Variants in STK35 observed in about 807,000 individuals in gnomAD.
The protein encoded by STK35 is serine/threonine kinase 35.
A neutral mutation model predicts 37.3 loss-of-function variants in STK35; 17 were observed. The ratio of observed to expected loss-of-function variants is 0.46; its 90% CI spans 0.31 to 0.68. The LOEUF (loss-of-function observed/expected upper bound fraction) is 0.68. STK35 is among the 30% of genes least tolerant of loss of function. The probability of loss-of-function intolerance (pLI) is 0.05; values close to 1 mark genes in which losing one functional copy is unlikely to be tolerated. For missense variants in STK35, 595 were observed against 746.7 expected, an observed-to-expected ratio of 0.80 and a Z score of 2.37; for synonymous variants, 385 against 319.1, an observed-to-expected ratio of 1.21 and a Z score of -2.20.
Position 2,102,194 on chromosome 20 carries a change from G to A in STK35, c.294+19G>A, listed in dbSNP as rs572673402. ...GGGCCAGGTAAGGGCGCCGTTGGAG[G>A]ACTGAAGGCCAGCGCCGAGGCTGGA... On this transcript the variant is annotated intron_variant, in intron 1 of 3. Transcript: ENST00000381482. The A allele has an allele frequency of 5.8e-6, 8 of 1,370,828 alleles. No individual in the cohort carries two copies. The highest frequency in any genetic ancestry group is 2.7e-4 in the Middle Eastern group (1 of 3,654). The allele number at this position is 1,370,828 out of a possible 1,614,324, so 84.9% of individuals were successfully genotyped here.
intron 2 of STK35, among the ~76,000 whole-genome samples, chr20:2,111,476 T>C (rs1468334289): frequency 6.6e-6 from 1 of 152,108 alleles, no homozygotes; most frequent in Non-Finnish European, 1.5e-5. Context: ...GTGGAAGGAT[T>C]GCCTGAGCCC....
intron 3 of STK35, among the ~76,000 whole-genome samples, chr20:2,143,226 G>C (rs1182452560): frequency 6.6e-6 from 1 of 152,186 alleles, no homozygotes; most frequent in African/African-American, 2.4e-5. Flanking sequence ...CCCTGCCCCT[G>C]GGTGTGGGAT....
chr20:2,105,206 T>C (rs965510822), intron 2 of STK35, among the ~76,000 whole-genome samples: 10 of 152,018 alleles, frequency 6.6e-5, no homozygotes, highest in African/African-American at 2.4e-4. Flanking sequence ...CTTACCTATA[T>C]TCTAGGAGCG....
intron 3 of STK35, among the ~76,000 whole-genome samples, chr20:2,125,071 A>G (rs1025195321): frequency 6.6e-5 from 10 of 152,206 alleles, no homozygotes; most frequent in Non-Finnish European, 1.5e-4. Context: ...GTCAAGGCCC[A>G]GTTGCTGCTC....
chr20:2,136,538 C>T (rs1460149330), intron 3 of STK35, among the ~76,000 whole-genome samples: 1 of 152,226 alleles, frequency 6.6e-6, no homozygotes, highest in Non-Finnish European at 1.5e-5. Flanking sequence ...TCAGTGGGAA[C>T]GTGTGCAGAG....
At chr20:2,126,963 G>A (rs1440517582) in intron 3 of STK35, among the ~76,000 whole-genome samples, 1 of 152,156 alleles carries the variant, frequency 6.6e-6, no homozygotes, top group African/African-American at 2.4e-5. Context: ...GCCATAGTGA[G>A]GAAGATGAAA....
chr20:2,129,782 G>A (rs541201656), intron 3 of STK35, among the ~76,000 whole-genome samples: 7 of 152,192 alleles, frequency 4.6e-5, no homozygotes, highest in South Asian at 4.2e-4. Context: ...CATTGAAGCC[G>A]AGACCTGAAG....
At chr20:2,105,293 T>A (rs1985493332) in intron 2 of STK35, among the ~76,000 whole-genome samples, 1 of 152,214 alleles carries the variant, frequency 6.6e-6, no homozygotes, top group East Asian at 1.9e-4. Flanking sequence ...TGGTCTGGAC[T>A]TCCTACTACA....
intron 3 of STK35, among the ~76,000 whole-genome samples, chr20:2,130,985 T>G (rs554127078): frequency 6.6e-6 from 1 of 152,154 alleles, no homozygotes; most frequent in Non-Finnish European, 1.5e-5. Context: ...TTATACAAAT[T>G]CAGCAAGTGG....
intron 3 of STK35, among the ~76,000 whole-genome samples, chr20:2,139,589 G>A (rs528108883): frequency 6.6e-6 from 1 of 152,302 alleles, no homozygotes; most frequent in African/African-American, 2.4e-5. Flanking sequence ...CTATGAGGCT[G>A]TTCTCTCTGA....
chr20:2,101,908 C>T lies in STK35; in HGVS notation c.27C>T (p.Ala9=). 6.8e-7 allele frequency: 1 copy of T among 1,462,342 alleles called. No individual in the cohort carries two copies. Among genetic ancestry groups the T allele is most frequent in the South Asian group, 1.3e-5 (1 of 76,906 alleles). 90.6% of individuals were successfully genotyped at this position (1,462,342 alleles called of 1,614,324 possible). MGHQESPL[A]RAPAGGAAYV... Reference sequence around the variant, plus strand: ...TGGGCCACCAGGAGTCTCCGCTGGCCCGGGCGCCGGCGGGAGGTGCAGCTT... The same window carrying T: ...TGGGCCACCAGGAGTCTCCGCTGGCTCGGGCGCCGGCGGGAGGTGCAGCTT... The change falls in exon 1 of 4, where the codon GCC becomes GCT. Residue 9 remains alanine (A), a synonymous_variant. Transcript: ENST00000381482.
chr20:2,107,719 G>T (rs1024850061), intron 2 of STK35, among the ~76,000 whole-genome samples: 2 of 152,104 alleles, frequency 1.3e-5, no homozygotes, highest in African/African-American at 4.8e-5. Context: ...CCAACTTGTC[G>T]AGTGCCTAGG....
chr20:2,114,450 A>G (rs890733133), intron 2 of STK35, among the ~76,000 whole-genome samples: 3 of 152,142 alleles, frequency 2.0e-5, no homozygotes, highest in African/African-American at 7.2e-5. Context: ...ACTCGTAAAA[A>G]TAATAACACT....
At position 2,107,025 on chromosome 20, in the gene STK35, G is replaced by T. The variant is rs1482070291; in HGVS notation, c.892+3660G>T. Reference sequence around the variant, plus strand: ...TAAATTATTTGGTTGAAGGGTTGGTGCCTATGTTTTTAACTTTGAAATACT... The same window carrying T: ...TAAATTATTTGGTTGAAGGGTTGGTTCCTATGTTTTTAACTTTGAAATACT... On this transcript the variant is annotated intron_variant, in intron 2 of 3. Coordinates refer to ENST00000381482, the MANE Select transcript of STK35 (RefSeq NM_080836.4). Among the ~76,000 whole-genome samples, 4 of 152,336 alleles carry T rather than the reference G, an allele frequency of 2.6e-5. No homozygotes were observed. In the East Asian group the frequency reaches 5.8e-4, roughly 22 times the overall value.
intron 2 of STK35, among the ~76,000 whole-genome samples, chr20:2,116,247 A>G (rs537582255): frequency 2.4e-4 from 37 of 152,290 alleles, no homozygotes; most frequent in Admixed American, 1.8e-3. Flanking sequence ...CAAGTCAGGA[A>G]AAAAGAGAGG....
chr20:2,138,336 G>A (rs16981927), intron 3 of STK35, among the ~76,000 whole-genome samples: 1 of 152,164 alleles, frequency 6.6e-6, no homozygotes, highest in African/African-American at 2.4e-5. Flanking sequence ...GAACCAAAAT[G>A]ACCATTAACA....
chr20:2,134,175 G>C (rs1367314619), intron 3 of STK35, among the ~76,000 whole-genome samples: 1 of 150,972 alleles, frequency 6.6e-6, no homozygotes. Context: ...CAGGAGAATC[G>C]CTTGAACCCG....
intron 3 of STK35, among the ~76,000 whole-genome samples, chr20:2,137,442 G>C (rs968833262): frequency 4.6e-5 from 7 of 152,230 alleles, no homozygotes; most frequent in African/African-American, 1.7e-4. Flanking sequence ...TGGTCTCCTG[G>C]TCAGGGCTCA....
chr20:2,104,379 G>A (rs1398195766), intron 2 of STK35, among the ~76,000 whole-genome samples: 2 of 152,210 alleles, frequency 1.3e-5, no homozygotes, highest in Admixed American at 6.5e-5. Flanking sequence ...AACTTCAAAA[G>A]TAAATTCTAT....
Sources: allele counts gnomAD v4.1 joint callset (sites outside exome capture counted in the v4.1 genomes callset), GRCh38; gene constraint gnomAD v4.1.1; transcripts MANE v1.5; gene names NCBI Gene and HGNC (gene_info 2026-07-23, HGNC 2026-07-21).